SLC4A4: variants seen among roughly 807,000 people sequenced by gnomAD.
SLC4A4 encodes solute carrier family 4 member 4.
SLC4A4 carries 27 observed loss-of-function variants against 111.5 expected under a neutral mutation model. The observed-to-expected ratio is 0.24, with a 90% CI of 0.18 to 0.33. SLC4A4 has a LOEUF of 0.33. SLC4A4 is among the 10% of genes least tolerant of loss of function. SLC4A4 has a pLI of 1.00. For synonymous variants in SLC4A4, 443 were observed against 463.4 expected (o/e 0.96, Z 0.57); for missense variants, 909 against 1,315.5 (o/e 0.69, Z 4.78).
At chr4:71,374,295 A>G (rs999275501) in intron 6 of SLC4A4, among the ~76,000 whole-genome samples, 1 of 152,092 alleles carries the variant, frequency 6.6e-6, no homozygotes, top group Non-Finnish European at 1.5e-5. Flanking sequence ...TACCATTTCC[A>G]CGTATATTTT....
intron 18 of SLC4A4, among the ~76,000 whole-genome samples, chr4:71,539,526 C>T (rs1263712220): frequency 6.6e-6 from 1 of 152,126 alleles, no homozygotes; most frequent in Non-Finnish European, 1.5e-5. Flanking sequence ...GGTACTCCAG[C>T]CAGAAACCTC....
At chr4:71,097,743 T>C (rs1742599501) in intron 2 of SLC4A4, among the ~76,000 whole-genome samples, 1 of 152,192 alleles carries the variant, frequency 6.6e-6, no homozygotes, top group Non-Finnish European at 1.5e-5. Context: ...TGGTATTTCA[T>C]TGTGGTTTTG....
At chr4:71,393,254 A>C (rs1480198949) in intron 6 of SLC4A4, among the ~76,000 whole-genome samples, 2 of 152,188 alleles carry the variant, frequency 1.3e-5, no homozygotes, top group Non-Finnish European at 2.9e-5. Context: ...ATGACTGTTT[A>C]CATTGAAAAC....
intron 7 of SLC4A4, among the ~76,000 whole-genome samples, chr4:71,406,312 T>G (rs531045295): frequency 1.1e-5 from 1 of 87,560 alleles, no homozygotes; most frequent in African/African-American, 4.7e-5. Context: ...AATAAAAAGA[T>G]GAGCCAACAC....
At position 71,491,968 on chromosome 4, in the gene SLC4A4, C is replaced by T. The variant is rs1435184852; in HGVS notation, c.1974+4950C>T. Among the ~76,000 whole-genome samples the T allele has an allele frequency of 9.9e-5, 15 of 151,336 alleles. No individual in the cohort carries two copies. The East Asian group carries it at 2.5e-3, about 26-fold the overall frequency. Reference sequence around the variant, plus strand: ...ATTATTATTTTTATTATTATTATTACTTATTATACTACCCAGAGATGCTGT... The same window carrying T: ...ATTATTATTTTTATTATTATTATTATTTATTATACTACCCAGAGATGCTGT... On this transcript the variant is annotated intron_variant, in intron 15 of 25. Transcript: ENST00000264485.
intron 1 of SLC4A4, among the ~76,000 whole-genome samples, chr4:71,215,303 TTG>T (rs1718361542): frequency 6.6e-6 from 1 of 152,232 alleles, no homozygotes; most frequent in Non-Finnish European, 1.5e-5. Context: ...ACTAAGAACT[TTG>T]TGTTCTGGTC....
chr4:71,517,225 T>A (rs1732486991), intron 16 of SLC4A4, among the ~76,000 whole-genome samples: 1 of 152,080 alleles, frequency 6.6e-6, no homozygotes, highest in African/African-American at 2.4e-5. Context: ...CTCCTATAAC[T>A]TGAATATTTG....
At chr4:71,201,323 GTCAT>G (rs1746239610) in intron 1 of SLC4A4, among the ~76,000 whole-genome samples, 1 of 152,186 alleles carries the variant, frequency 6.6e-6, no homozygotes, top group Non-Finnish European at 1.5e-5. Flanking sequence ...ACAACAACTG[GTCAT>G]GATATATGGG....
intron 2 of SLC4A4, among the ~76,000 whole-genome samples, chr4:71,181,256 T>C (rs557364198): frequency 6.6e-5 from 10 of 150,464 alleles, no homozygotes; most frequent in Non-Finnish European, 1.0e-4. Context: ...AGGAGATATA[T>C]CTAATGTTAA....
intron 16 of SLC4A4, among the ~76,000 whole-genome samples, chr4:71,515,958 A>G (rs1036715606): frequency 1.6e-4 from 24 of 151,614 alleles, no homozygotes; most frequent in African/African-American, 5.6e-4. Context: ...TAATCTGTTA[A>G]TATTTAAAGT....
At chr4:71,382,404 A>T (rs564436516) in intron 6 of SLC4A4, among the ~76,000 whole-genome samples, 1 of 152,332 alleles carries the variant, frequency 6.6e-6, no homozygotes, top group South Asian at 2.1e-4. Context: ...ATATGAAGAC[A>T]TACATTATTT....
rs138630692 is a variant in SLC4A4, at chr4:71,428,112, C to T, written c.808-12504C>T. 4.7e-4 allele frequency among the ~76,000 whole-genome samples: 72 copies of T among 152,126 alleles called. 1 individual carries two copies. The highest frequency in any genetic ancestry group is 1.3e-3 in the African/African-American group (55 of 41,520). On this transcript the variant is annotated intron_variant, in intron 7 of 25. Coordinates refer to ENST00000264485, the MANE Select transcript of SLC4A4 (RefSeq NM_001098484.3). ...AGAAGAGGAATAAATAGGCAGAGGC[C>T]GGAACCTGGTAAGGTGAGAGAACAC...
At position 71,523,217 on chromosome 4, in the gene SLC4A4, C is replaced by T. The variant is rs1318628360; in HGVS notation, c.2167-8845C>T. ...GTTCGCCATCTTGGGTGGCATTTGT[C>T]TTCTTTAGTGACAACAAAGCAAACG... is the stretch of plus-strand genomic sequence containing the variant. On this transcript the variant is annotated intron_variant, in intron 16 of 25. Transcript: ENST00000264485. 4.7e-5 allele frequency among the ~76,000 whole-genome samples: 7 copies of T among 148,564 alleles called. No homozygotes were observed. In the South Asian group the frequency reaches 1.4e-3, roughly 30 times the overall value.
chr4:71,559,700 C>A (rs928770197), intron 22 of SLC4A4, among the ~76,000 whole-genome samples: 2 of 151,728 alleles, frequency 1.3e-5, no homozygotes, highest in Non-Finnish European at 2.9e-5. Context: ...TGCTAAAAAC[C>A]TTTATGATGT....
chr4:71,340,651 G>A (rs905674767), intron 4 of SLC4A4, among the ~76,000 whole-genome samples: 5 of 152,124 alleles, frequency 3.3e-5, no homozygotes, highest in South Asian at 2.1e-4. Flanking sequence ...AGGTTCATCT[G>A]AGTTTGGAGT....
At chr4:71,538,719 G>C (rs570493379) in intron 18 of SLC4A4, among the ~76,000 whole-genome samples, 1 of 152,164 alleles carries the variant, frequency 6.6e-6, no homozygotes, top group Non-Finnish European at 1.5e-5. Context: ...GGCTCTGGCT[G>C]TCTGTTCTGC....
chr4:71,335,749 C>T (rs1449192633), intron 3 of SLC4A4, among the ~76,000 whole-genome samples: 7 of 151,720 alleles, frequency 4.6e-5, no homozygotes, highest in African/African-American at 7.3e-5. Context: ...GGTGTGAACC[C>T]GGGAGGCGGA....
chr4:71,103,284 AC>A (rs1321246148), intron 2 of SLC4A4, among the ~76,000 whole-genome samples: 2 of 152,024 alleles, frequency 1.3e-5, no homozygotes, highest in Non-Finnish European at 2.9e-5. Flanking sequence ...GTCCTGAGTG[AC>A]CTACAAAGAG....
At chr4:71,416,994 C>T (rs1047083858) in intron 7 of SLC4A4, among the ~76,000 whole-genome samples, 1 of 152,168 alleles carries the variant, frequency 6.6e-6, no homozygotes, top group African/African-American at 2.4e-5. Flanking sequence ...TTGCTTCTTA[C>T]TAGCGACCTT....
Sources: gnomAD v4.1 joint callset for allele counts (sites outside exome capture counted in the v4.1 genomes callset) on GRCh38, gnomAD v4.1.1 for gene constraint, MANE v1.5 for transcripts, NCBI Gene and HGNC (gene_info 2026-07-23, HGNC 2026-07-21) for gene names.